IL1RAPL1: variants seen among roughly 807,000 people sequenced by gnomAD.
The protein encoded by IL1RAPL1 is interleukin-1 receptor accessory protein-like 1.
In IL1RAPL1, 3 loss-of-function variants were observed where a neutral mutation model predicts 48.4. The observed-to-expected ratio is 0.06, with a 90% CI of 0.03 to 0.16. The LOEUF (loss-of-function observed/expected upper bound fraction) is 0.16. Among genes scored for constraint, IL1RAPL1 ranks in the 10% least tolerant of loss-of-function variants. The pLI, the probability that IL1RAPL1 is intolerant of heterozygous loss-of-function variation, is 1.00. For synonymous variants in IL1RAPL1, 185 were observed against 187.7 expected, an observed-to-expected ratio of 0.99 and a Z score of 0.12; for missense variants, 349 against 530.6, an observed-to-expected ratio of 0.66 and a Z score of 3.36.
intron 6 of IL1RAPL1, among the ~76,000 whole-genome samples, chrX:29,682,533 A>G (rs866566492): frequency 1.8e-5 from 2 of 111,621 alleles, no homozygotes; most frequent in Non-Finnish European, 3.8e-5. Context: ...TTGCTAGCAA[A>G]TCTCTTTTTC....
intron 6 of IL1RAPL1, among the ~76,000 whole-genome samples, chrX:29,803,635 A>G (rs1028184553): frequency 1.9e-5 from 2 of 103,745 alleles, no homozygotes; most frequent in Non-Finnish European, 2.0e-5. Flanking sequence ...ATATATGTGT[A>G]TATATATACA....
chrX:29,760,759 C>T (rs746669133), intron 6 of IL1RAPL1, among the ~76,000 whole-genome samples: 46 of 111,696 alleles, frequency 4.1e-4, no homozygotes, highest in Non-Finnish European at 6.2e-4. Context: ...CAGTATTCTG[C>T]TATTCCTGCT....
intron 5 of IL1RAPL1, among the ~76,000 whole-genome samples, chrX:29,506,871 A>G (rs767522401): frequency 6.3e-5 from 7 of 110,511 alleles, no homozygotes; most frequent in African/African-American, 2.3e-4. Context: ...CTGCCCAGAA[A>G]CCCAAGATGG....
intron 5 of IL1RAPL1, among the ~76,000 whole-genome samples, chrX:29,637,452 C>T (rs930217021): frequency 1.8e-5 from 2 of 110,310 alleles, no homozygotes; most frequent in Non-Finnish European, 3.8e-5. Context: ...ATATTAATAA[C>T]GTTTAATTTC....
intron 5 of IL1RAPL1, among the ~76,000 whole-genome samples, chrX:29,512,650 T>C (rs1375933125): frequency 2.7e-5 from 3 of 112,184 alleles, no homozygotes; most frequent in Non-Finnish European, 3.8e-5. Flanking sequence ...ATTAATATTG[T>C]TAAATAATTG....
intron 2 of IL1RAPL1, among the ~76,000 whole-genome samples, chrX:28,862,812 G>A (rs1296470960): frequency 9.0e-6 from 1 of 111,704 alleles, no homozygotes; most frequent in Admixed American, 9.5e-5. Context: ...CTATGCTTCT[G>A]TTTCTCTCTC....
At chrX:28,952,406 G>A (rs1332889769) in intron 2 of IL1RAPL1, among the ~76,000 whole-genome samples, 1 of 111,273 alleles carries the variant, frequency 9.0e-6, no homozygotes, top group Non-Finnish European at 1.9e-5. Flanking sequence ...CATACATAAG[G>A]ACAACGTAAA....
chrX:29,179,255 G>A (rs942389015), intron 2 of IL1RAPL1, among the ~76,000 whole-genome samples: 29 of 111,296 alleles, frequency 2.6e-4, no homozygotes, highest in Admixed American at 1.9e-4. Context: ...ATTTGTTTGT[G>A]TCCCCTTTTA....
chrX:29,253,496 C>T (rs149403843), intron 2 of IL1RAPL1, among the ~76,000 whole-genome samples: 4 of 110,950 alleles, frequency 3.6e-5, no homozygotes, highest in East Asian at 2.8e-4. Context: ...TGATAATGGT[C>T]GTAACTAACA....
At chrX:28,999,691 C>CAAA (rs1271412539) in intron 2 of IL1RAPL1, among the ~76,000 whole-genome samples, 1 of 111,845 alleles carries the variant, frequency 8.9e-6, no homozygotes, top group Non-Finnish European at 1.9e-5. Flanking sequence ...TAATCCTTTT[C>CAAA]AGACCAGCTT....
chrX:29,545,351 T>C (rs1316096881), intron 5 of IL1RAPL1, among the ~76,000 whole-genome samples: 2 of 111,560 alleles, frequency 1.8e-5, no homozygotes, highest in Non-Finnish European at 3.8e-5. Flanking sequence ...TATTTACTTT[T>C]TACTAATACC....
chrX:29,058,163 C>T (rs1927264125), intron 2 of IL1RAPL1, among the ~76,000 whole-genome samples: 1 of 110,440 alleles, frequency 9.1e-6, no homozygotes, highest in Admixed American at 9.7e-5. Flanking sequence ...ATCACAAAGT[C>T]AGGAGATCGA....
intron 1 of IL1RAPL1, among the ~76,000 whole-genome samples, chrX:28,588,943 C>T (rs1471285659): frequency 8.9e-6 from 1 of 111,991 alleles, no homozygotes; most frequent in African/African-American, 3.2e-5. Context: ...CATACTTCCC[C>T]TAACCTTAAG....
intron 2 of IL1RAPL1, among the ~76,000 whole-genome samples, chrX:29,119,064 A>C (rs1928730188): frequency 9.0e-6 from 1 of 111,049 alleles, no homozygotes; most frequent in Non-Finnish European, 1.9e-5. Flanking sequence ...ACCAAAACTG[A>C]GTCTTTAGGA....
At chrX:29,120,937 C>A (rs775176437) in intron 2 of IL1RAPL1, among the ~76,000 whole-genome samples, 1 of 111,885 alleles carries the variant, frequency 8.9e-6, no homozygotes, top group Non-Finnish European at 1.9e-5. Context: ...GCTCAACACT[C>A]AAAACTTAAT....
At chrX:29,080,856 C>T (rs1318616719) in intron 2 of IL1RAPL1, among the ~76,000 whole-genome samples, 2 of 108,044 alleles carry the variant, frequency 1.9e-5, no homozygotes, top group African/African-American at 6.8e-5. Context: ...AATCCTCCCA[C>T]CTCAGCGTTT....
intron 5 of IL1RAPL1, among the ~76,000 whole-genome samples, chrX:29,640,200 G>A (rs1346616561): frequency 8.9e-6 from 1 of 112,302 alleles, no homozygotes; most frequent in Non-Finnish European, 1.9e-5. Flanking sequence ...GCTACTTTGG[G>A]TGTTTACCCA....
chrX:29,400,812 G>A (rs891361358), intron 5 of IL1RAPL1, among the ~76,000 whole-genome samples: 13 of 111,787 alleles, frequency 1.2e-4, no homozygotes, highest in Non-Finnish European at 3.8e-5. Flanking sequence ...TACTGAAGTG[G>A]TTTTTCAACC....
At chrX:29,780,799 AAG>A (rs750342600) in intron 6 of IL1RAPL1, among the ~76,000 whole-genome samples, 5 of 111,826 alleles carry the variant, frequency 4.5e-5, no homozygotes, top group Middle Eastern at 4.6e-3. Context: ...AATCATATTA[AAG>A]AGTGTTATTT....
Sources: gnomAD v4.1 joint callset for allele counts (sites outside exome capture counted in the v4.1 genomes callset) on GRCh38, gnomAD v4.1.1 for gene constraint, MANE v1.5 for transcripts, NCBI Gene and HGNC (gene_info 2026-07-23, HGNC 2026-07-21) for gene names.